PLPP1: variants seen among roughly 807,000 people sequenced by gnomAD.
PLPP1 encodes the protein lipid phosphate phosphohydrolase 1a.
In PLPP1, 24 loss-of-function variants were observed where a neutral mutation model predicts 31.2. That is an observed-to-expected ratio of 0.77 (90% CI 0.56 to 1.08). PLPP1 has a LOEUF of 1.08. Among genes scored for constraint, PLPP1 ranks in the 50% least tolerant of loss-of-function variants. The pLI is 0.00. For missense variants in PLPP1, 319 were observed against 342.7 expected, an observed-to-expected ratio of 0.93 and a Z score of 0.55; for synonymous variants, 146 against 126.3, an observed-to-expected ratio of 1.16 and a Z score of -1.05.
intron 1 of PLPP1, among the ~76,000 whole-genome samples, chr5:55,513,245 T>C (rs1451687725): frequency 1.5e-4 from 22 of 150,518 alleles, no homozygotes; most frequent in Admixed American, 1.3e-3. Context: ...GTGTTTACTA[T>C]AGTATTACTA....
chr5:55,530,950 C>A (rs1357644594), intron 1 of PLPP1, among the ~76,000 whole-genome samples: 3 of 152,172 alleles, frequency 2.0e-5, no homozygotes, highest in African/African-American at 4.8e-5. Context: ...CGGCAGCGGC[C>A]GAGGTGACGG....
chr5:55,502,721 C>T (rs542978825), intron 1 of PLPP1, among the ~76,000 whole-genome samples: 1 of 152,062 alleles, frequency 6.6e-6, no homozygotes, highest in East Asian at 1.9e-4. Flanking sequence ...ATTAAATTTC[C>T]AAAACATATT....
chr5:55,485,543 C>T (rs1321649482), intron 1 of PLPP1, among the ~76,000 whole-genome samples: 1 of 151,590 alleles, frequency 6.6e-6, no homozygotes, highest in African/African-American at 2.4e-5. Flanking sequence ...TTCCACAATG[C>T]TATGTAAAAA....
intron 1 of PLPP1, among the ~76,000 whole-genome samples, chr5:55,512,127 G>A (rs1298948803): frequency 2.0e-5 from 3 of 150,676 alleles, no homozygotes; most frequent in South Asian, 2.1e-4. Context: ...AAAACTCCTC[G>A]AAAAAATAAA....
intron 4 of PLPP1, among the ~76,000 whole-genome samples, chr5:55,430,479 A>G (rs1418477229): frequency 6.6e-6 from 1 of 152,256 alleles, no homozygotes; most frequent in Admixed American, 6.5e-5. Context: ...CACACAACTG[A>G]TAACTTTACA....
chr5:55,432,800 T>TAAA (rs70992791), intron 4 of PLPP1, among the ~76,000 whole-genome samples: 1 of 145,720 alleles, frequency 6.9e-6, no homozygotes, highest in African/African-American at 2.5e-5. Context: ...CTTCATGATT[T>TAAA]AAAAAAAAAA....
chr5:55,431,980 G>A (rs930297247), intron 4 of PLPP1, among the ~76,000 whole-genome samples: 2 of 152,178 alleles, frequency 1.3e-5, no homozygotes, highest in Non-Finnish European at 2.9e-5. Context: ...GGGGCACAGT[G>A]GCGTGATCAT....
intron 3 of PLPP1, among the ~76,000 whole-genome samples, chr5:55,460,078 T>C (rs1264633739): frequency 6.6e-6 from 1 of 152,210 alleles, no homozygotes; most frequent in Non-Finnish European, 1.5e-5. Flanking sequence ...CAGTCGACAG[T>C]AGGCTATTTG....
chr5:55,518,541 G>C (rs988269974), intron 1 of PLPP1, among the ~76,000 whole-genome samples: 1 of 152,018 alleles, frequency 6.6e-6, no homozygotes, highest in Non-Finnish European at 1.5e-5. Flanking sequence ...ACCAAAGCCA[G>C]GCAGGAGGCC....
intron 1 of PLPP1, among the ~76,000 whole-genome samples, chr5:55,528,817 C>T (rs1740559758): frequency 1.3e-5 from 2 of 152,212 alleles, no homozygotes; most frequent in Middle Eastern, 3.4e-3. Context: ...TTAAAGAAAG[C>T]ATAAACAATG....
chr5:55,457,824 G>A (rs1752054554), intron 3 of PLPP1, among the ~76,000 whole-genome samples: 1 of 151,682 alleles, frequency 6.6e-6, no homozygotes, highest in Admixed American at 6.6e-5. Context: ...GGGAGGCAGA[G>A]GTTGCAGTGA....
intron 3 of PLPP1, among the ~76,000 whole-genome samples, chr5:55,456,601 T>G (rs764560408): frequency 1.3e-5 from 2 of 152,190 alleles, no homozygotes; most frequent in Admixed American, 1.3e-4. Context: ...TTTTTAGCTT[T>G]CTGACTTTCA....
chr5:55,454,619 G>GACATTA lies in PLPP1; in HGVS notation c.492-12717_492-12712dup, dbSNP rs548430098. ...CTACAAGCCTAAATTGTCAGGTACT[G>GACATTA]ACATTAAGAACAGGGAAGCTGGAAA... is the stretch of plus-strand genomic sequence containing the variant. On this transcript the variant is annotated intron_variant, in intron 3 of 5. Transcript: ENST00000307259. Among the ~76,000 whole-genome samples, 308 of 152,350 alleles carry GACATTA rather than the reference G, an allele frequency of 2.0e-3. 2 individuals are homozygous for GACATTA. Among genetic ancestry groups the GACATTA allele is most frequent in the African/African-American group, 7.3e-3 (302 of 41,584 alleles).
At chr5:55,533,880 A>G (rs1740773830) in intron 1 of PLPP1, among the ~76,000 whole-genome samples, 1 of 152,176 alleles carries the variant, frequency 6.6e-6, no homozygotes, top group African/African-American at 2.4e-5. Context: ...TCAGGAAGAC[A>G]ATGCGAAATC....
chr5:55,522,779 C>T (rs1423349796), intron 1 of PLPP1, among the ~76,000 whole-genome samples: 4 of 152,130 alleles, frequency 2.6e-5, no homozygotes, highest in African/African-American at 7.2e-5. Flanking sequence ...TTTGGAGTGG[C>T]GCAATCTCGG....
At chr5:55,487,634 A>G (rs1434816927) in intron 1 of PLPP1, among the ~76,000 whole-genome samples, 2 of 152,156 alleles carry the variant, frequency 1.3e-5, no homozygotes, top group African/African-American at 4.8e-5. Flanking sequence ...TCAAATTATA[A>G]GGCACATTAT....
At chr5:55,526,986 T>C (rs576268933) in intron 1 of PLPP1, among the ~76,000 whole-genome samples, 3 of 147,388 alleles carry the variant, frequency 2.0e-5, no homozygotes, top group African/African-American at 7.5e-5. Flanking sequence ...GTGGTCAGGA[T>C]AGGCACCGTG....
At chr5:55,501,355 G>A (rs1173287833) in intron 1 of PLPP1, among the ~76,000 whole-genome samples, 2 of 151,956 alleles carry the variant, frequency 1.3e-5, no homozygotes, top group African/African-American at 2.4e-5. Context: ...ACACAAAGCA[G>A]TAAAAACTAA....
chr5:55,490,091 T>C (rs1007508559), intron 1 of PLPP1, among the ~76,000 whole-genome samples: 3 of 152,170 alleles, frequency 2.0e-5, no homozygotes, highest in Admixed American at 2.0e-4. Context: ...GTCCTACAAA[T>C]TGATGAACTA....
Sources: allele counts gnomAD v4.1 joint callset (sites outside exome capture counted in the v4.1 genomes callset), GRCh38; gene constraint gnomAD v4.1.1; transcripts MANE v1.5; gene names NCBI Gene and HGNC (gene_info 2026-07-23, HGNC 2026-07-21).